The following PCNX2 variants were observed in gnomAD, a reference collection of about 807,000 sequenced individuals.
PCNX2 encodes pecanex-like protein 2.
Under a neutral mutation model 223.8 loss-of-function variants are expected in PCNX2, and 168 were observed. That is an observed-to-expected ratio of 0.75 (90% CI 0.66 to 0.85). The LOEUF is 0.85. Among genes scored for constraint, PCNX2 ranks in the 40% least tolerant of loss-of-function variants. PCNX2 has a pLI of 0.00. For missense variants in PCNX2, 2,507 were observed against 2,675.5 expected, an observed-to-expected ratio of 0.94 and a Z score of 1.39; for synonymous variants, 1,006 against 1,052.6, an observed-to-expected ratio of 0.96 and a Z score of 0.86.
chr1:233,060,452 C>G (rs1239464527), intron 23 of PCNX2, among the ~76,000 whole-genome samples: 4 of 152,204 alleles, frequency 2.6e-5, no homozygotes, highest in Non-Finnish European at 5.9e-5. Context: ...AGAACACAGT[C>G]TAAATTCTGA....
At chr1:233,256,525 G>A (rs1026047477) in intron 5 of PCNX2, among the ~76,000 whole-genome samples, 1 of 152,132 alleles carries the variant, frequency 6.6e-6, no homozygotes. Context: ...GGCTAATACA[G>A]TAGCCAATAG....
chr1:233,213,335 C>T (rs964782225), intron 12 of PCNX2, among the ~76,000 whole-genome samples: 73 of 151,970 alleles, frequency 4.8e-4, no homozygotes, highest in African/African-American at 1.7e-3. Context: ...ATTTGGTGCC[C>T]TGGATGGGAA....
intron 32 of PCNX2, among the ~76,000 whole-genome samples, chr1:232,994,367 G>A (rs1669805134): frequency 6.6e-6 from 1 of 152,246 alleles, no homozygotes; most frequent in African/African-American, 2.4e-5. Context: ...CTTGCATGGG[G>A]CCTGTGGCCC....
chr1:233,202,457 A>G (rs549957155), intron 13 of PCNX2, among the ~76,000 whole-genome samples: 5 of 152,338 alleles, frequency 3.3e-5, no homozygotes, highest in Admixed American at 2.0e-4. Flanking sequence ...ATAAATTACC[A>G]TATTTGCAGG....
At chr1:233,141,163 C>T (rs148928037) in intron 19 of PCNX2, among the ~76,000 whole-genome samples, 286 of 152,308 alleles carry the variant, frequency 1.9e-3, no homozygotes, top group Non-Finnish European at 2.8e-3. Flanking sequence ...ACAGCCTGTT[C>T]CTTCCAGGTC....
chr1:233,283,805 T>C (rs1314085683), intron 1 of PCNX2, among the ~76,000 whole-genome samples: 1 of 152,192 alleles, frequency 6.6e-6, no homozygotes, highest in Non-Finnish European at 1.5e-5. Context: ...TCCAGAATCA[T>C]CAATTTATAC....
At chr1:233,241,076 A>G (rs1253176225) in intron 8 of PCNX2, 1 of 737,186 alleles carries the variant, frequency 1.4e-6, no homozygotes, top group African/African-American at 1.9e-5. Flanking sequence ...AGTCCCAGCA[A>G]CATGTTCAAC....
chr1:233,163,643 C>T (rs1678628199), intron 17 of PCNX2, among the ~76,000 whole-genome samples: 1 of 151,318 alleles, frequency 6.6e-6, no homozygotes, highest in Admixed American at 6.6e-5. Flanking sequence ...ATTATGATAA[C>T]TAGCACATCC....
chr1:233,042,422 A>G (rs1386867894), intron 25 of PCNX2, among the ~76,000 whole-genome samples: 1 of 152,170 alleles, frequency 6.6e-6, no homozygotes, highest in Non-Finnish European at 1.5e-5. Context: ...CTGATAGACT[A>G]ATACTAAGGC....
chr1:233,266,275 A>G (rs1660327281), intron 1 of PCNX2, among the ~76,000 whole-genome samples: 1 of 152,208 alleles, frequency 6.6e-6, no homozygotes, highest in Admixed American at 6.5e-5. Flanking sequence ...CAAAAGGCTG[A>G]GGCAGGAGGA....
the PCNX2 span, among the ~76,000 whole-genome samples, chr1:233,309,533 T>G: frequency 7.7e-6 from 1 of 130,080 alleles, no homozygotes; most frequent in Non-Finnish European, 1.6e-5. Flanking sequence ...AGAGTGAGAC[T>G]CCCTCAAAAA....
chr1:233,314,141 T>C, the PCNX2 span, among the ~76,000 whole-genome samples: 1 of 152,204 alleles, frequency 6.6e-6, no homozygotes, highest in Non-Finnish European at 1.5e-5. Context: ...GAAACGATTA[T>C]GCAGCAGACA....
chr1:233,302,043 G>A, the PCNX2 span, among the ~76,000 whole-genome samples: 11 of 152,052 alleles, frequency 7.2e-5, no homozygotes, highest in East Asian at 1.9e-4. Flanking sequence ...TAATGCCCCC[G>A]CCTTGGCCTC....
At chr1:233,303,403 T>A in the PCNX2 span, among the ~76,000 whole-genome samples, 1 of 152,106 alleles carries the variant, frequency 6.6e-6, no homozygotes, top group African/African-American at 2.4e-5. Context: ...TAGTCCCAGC[T>A]GCCTGGTGGG....
At chr1:232,992,360 G>A (rs764530824) in intron 32 of PCNX2, among the ~76,000 whole-genome samples, 11 of 152,216 alleles carry the variant, frequency 7.2e-5, no homozygotes, top group East Asian at 3.8e-4. Flanking sequence ...TTGCCTGCTC[G>A]TGGGGCCAGA....
At chr1:233,324,604 T>TTC in the PCNX2 span, among the ~76,000 whole-genome samples, 1 of 149,876 alleles carries the variant, frequency 6.7e-6, no homozygotes, top group African/African-American at 2.5e-5. Context: ...TGAAATTTTT[T>TTC]TTTTTTTTTT....
At chr1:233,218,507 C>T (rs1467551544) in intron 10 of PCNX2, among the ~76,000 whole-genome samples, 1 of 152,048 alleles carries the variant, frequency 6.6e-6, no homozygotes, top group African/African-American at 2.4e-5. Flanking sequence ...TCCTTGGCCT[C>T]CCAAAGTGCT....
intron 23 of PCNX2, among the ~76,000 whole-genome samples, chr1:233,081,295 G>A (rs1248591350): frequency 2.6e-5 from 4 of 152,108 alleles, no homozygotes; most frequent in Non-Finnish European, 2.9e-5. Context: ...GTAGTGAGCC[G>A]AGATCACGCC....
chr1:233,268,677 G>A (rs144172243), intron 1 of PCNX2, among the ~76,000 whole-genome samples: 17 of 152,302 alleles, frequency 1.1e-4, no homozygotes, highest in Non-Finnish European at 2.1e-4. Context: ...TCAGGAGAAA[G>A]TAATAAAAGT....
Sources: allele counts gnomAD v4.1 joint callset (sites outside exome capture counted in the v4.1 genomes callset), GRCh38; gene constraint gnomAD v4.1.1; transcripts MANE v1.5; gene names NCBI Gene and HGNC (gene_info 2026-07-23, HGNC 2026-07-21).